Variants in MPRIP observed in about 807,000 individuals in gnomAD.
MPRIP encodes the protein myosin phosphatase Rho-interacting protein.
MPRIP carries 59 observed loss-of-function variants against 234.9 expected under a neutral mutation model. The observed-to-expected ratio is 0.25, with a 90% confidence interval of 0.20 to 0.31. MPRIP has a LOEUF of 0.31. Among genes scored for constraint, MPRIP ranks in the 10% least tolerant of loss-of-function variants. MPRIP has a pLI of 1.00. For synonymous variants in MPRIP, 1,144 were observed against 1,263.9 expected, an observed-to-expected ratio of 0.91 and a Z score of 2.01; for missense variants, 2,436 against 3,071.0, an observed-to-expected ratio of 0.79 and a Z score of 4.89.
At chr17:17,181,814 A>ACTCTGTGCAGTGAGTGGGTGGGGGCCT (rs2046379758) in intron 23 of MPRIP, 3 of 152,254 alleles carry the variant, frequency 2.0e-5, no homozygotes, top group Admixed American at 6.5e-5. Flanking sequence ...CCTGACAGTA[A>ACTCTGTGCAGTGAGTGGGTGGGGGCCT]CTCTGTGCAG....
rs2046141668 is a variant in MPRIP at position 17,171,800 on chromosome 17, A to C, written c.6407A>C (p.Glu2136Ala). The C allele has an allele frequency of 6.2e-7, 1 of 1,613,704 alleles. No individual in the cohort carries two copies. The highest frequency in any genetic ancestry group is 8.5e-7 in the Non-Finnish European group (1 of 1,180,030). Reference sequence around the variant, plus strand: ...GATCTCCAGAGGCAGCACCAGCGGGAGCTAGAGAAACTTCGAGAAGAGAAA... The same window carrying C: ...GATCTCCAGAGGCAGCACCAGCGGGCGCTAGAGAAACTTCGAGAAGAGAAA... ...IEDLQRQHQR[E>A]LEKLREEKDR... Residue 2136 changes from glutamate (E) to alanine (A), a missense_variant, in exon 17 of 24, where the codon GAG becomes GCG. Transcript: ENST00000651222.
chr17:17,082,959 T>A (rs1597774842), intron 3 of MPRIP, among the ~76,000 whole-genome samples: 1 of 152,172 alleles, frequency 6.6e-6, no homozygotes, highest in South Asian at 2.1e-4. Context: ...TTGTGGTAGG[T>A]CTGATGATCT....
chr17:17,125,980 C>T (rs2090483246), intron 3 of MPRIP, among the ~76,000 whole-genome samples: 1 of 152,112 alleles, frequency 6.6e-6, no homozygotes, highest in African/African-American at 2.4e-5. Flanking sequence ...AGAAAGAGGC[C>T]AGAGGGTACA....
Position 17,042,929 on chromosome 17 carries a change from G to C in MPRIP, c.81G>C (p.Lys27Asn). Reference protein sequence around the residue: ...FNKSKCQNCFKPRESHLLNDE... With the variant: ...FNKSKCQNCFNPRESHLLNDE... ...AGAGCAAGTGTCAGAACTGCTTCAA[G>C]CCCCGCGAGTCGCATCTGCTCAACG... The change falls in exon 1 of 24, where the codon AAG becomes AAC. Residue 27 changes from lysine (K) to asparagine (N), a missense_variant. Coordinates refer to ENST00000651222, the MANE Select transcript of MPRIP (RefSeq NM_001364716.4). 6.2e-7 allele frequency: 1 copy of C among 1,611,182 alleles called. No individual in the cohort carries two copies. The highest frequency in any genetic ancestry group is 8.5e-7 in the Non-Finnish European group (1 of 1,179,134).
intron 20 of MPRIP, 76 bp from the exon 21 acceptor site, chr17:17,176,350 C>T (rs773112496): frequency 1.6e-5 from 18 of 1,137,986 alleles, no homozygotes; most frequent in Admixed American, 1.4e-4. Flanking sequence ...GCCCTCTGCA[C>T]GCTTCAGCCT....
At position 17,089,529 on chromosome 17, in the gene MPRIP, G is replaced by A. The variant is rs1215192699; in HGVS notation, c.267+11453G>A. ...GTCACCTATCCTGGAGTGCAGTGGC[G>A]CAGTCATAGCTCACTGCAGCCTTGA... On this transcript the variant is annotated intron_variant, in intron 3 of 23. Coordinates refer to ENST00000651222, the MANE Select transcript of MPRIP (RefSeq NM_001364716.4). Among the ~76,000 whole-genome samples, 3 of 151,880 alleles carry A rather than the reference G, an allele frequency of 2.0e-5. No individual in the cohort carries two copies. In the East Asian group the frequency reaches 5.8e-4, roughly 29 times the overall value.
At chr17:17,048,219 G>T (rs1188475733) in intron 1 of MPRIP, among the ~76,000 whole-genome samples, 1 of 152,114 alleles carries the variant, frequency 6.6e-6, no homozygotes, top group Non-Finnish European at 1.5e-5. Flanking sequence ...GCTCGGTCTT[G>T]ATCTCTCCCA....
chr17:17,076,252 C>T (rs1478531330), intron 2 of MPRIP: 1 of 153,276 alleles, frequency 6.5e-6, no homozygotes, highest in African/African-American at 2.4e-5. Context: ...AGGGCAGGGC[C>T]CCGCTAGAGC....
chr17:17,166,570 C>G lies in MPRIP; in HGVS notation c.4979C>G (p.Pro1660Arg), dbSNP rs1380609555. 6.9e-6 allele frequency: 9 copies of G among 1,304,084 alleles called. No homozygotes were observed. Among genetic ancestry groups the G allele is most frequent in the Non-Finnish European group, 9.1e-6 (9 of 988,972 alleles). 80.8% of individuals were successfully genotyped at this position (1,304,084 alleles called of 1,614,324 possible). Reference protein sequence around the residue: ...GQQSIPQGLAPILANATWVRA... With the variant: ...GQQSIPQGLARILANATWVRA... ...CAAAGCATCCCACAGGGCCTGGCCC[C>G]CATCCTGGCCAATGCCACATGGGTC... is the stretch of plus-strand genomic sequence containing the variant. Residue 1660 changes from proline to arginine, a missense_variant, in exon 16 of 24, where the codon CCC (proline) becomes CGC (arginine). Transcript: ENST00000651222. The surrounding 1 kb of genome is among the most constrained non-coding windows in gnomAD (Gnocchi z 4.4).
chr17:17,156,353 GAATT>G (rs1399188253), intron 13 of MPRIP, among the ~76,000 whole-genome samples: 1 of 152,000 alleles, frequency 6.6e-6, no homozygotes, highest in African/African-American at 2.4e-5. Flanking sequence ...TCCTGACTAA[GAATT>G]ACTTCATAAC....
chr17:17,158,978 G>T lies in MPRIP; in HGVS notation c.2376G>T (p.Glu792Asp). The T allele has an allele frequency of 6.2e-7, 1 of 1,612,618 alleles. No individual in the cohort carries two copies. Among genetic ancestry groups the T allele is most frequent in the South Asian group, 1.1e-5 (1 of 91,070 alleles). The stretch of plus-strand genomic sequence containing the variant: ...GGGGTGACCGGCTCTCCACACACGA[G>T]CTGACCTCTCTGCTCGAGAAGGAGG... Reference protein sequence around the residue: ...EDGGDRLSTHELTSLLEKELE... With the variant: ...EDGGDRLSTHDLTSLLEKELE... The change falls in exon 14 of 24, where the codon GAG becomes GAT. Residue 792 changes from glutamate (E) to aspartate (D), a missense_variant. By Grantham distance (45) the Glu-to-Asp change is conservative. Coordinates refer to ENST00000651222, the MANE Select transcript of MPRIP (RefSeq NM_001364716.4).
chr17:17,158,361 T>C, intron 13 of MPRIP, 71 bp from the exon 14 acceptor site: 1 of 1,356,090 alleles, frequency 7.4e-7, no homozygotes, highest in African/African-American at 1.5e-5. Flanking sequence ...GGCTCAGCAT[T>C]GCCAGCTTCT....
Position 17,166,732 on chromosome 17 carries a change from C to A in MPRIP, c.5141C>A (p.Ala1714Asp), listed in dbSNP as rs1567768948. 7.7e-7 allele frequency: 1 copy of A among 1,304,166 alleles called. No homozygotes were observed. The highest frequency in any genetic ancestry group is 1.2e-5 in the South Asian group (1 of 81,032). 80.8% of individuals were successfully genotyped at this position (1,304,166 alleles called of 1,614,324 possible). ...HKCLLREILGAYQTPDFERVM... is the reference protein window; with the variant it reads ...HKCLLREILGDYQTPDFERVM... ...TGCCTGCTGAGGGAAATCCTGGGAG[C>A]CTACCAAACCCCAGACTTTGAAAGA... Residue 1714 changes from alanine (A) to aspartate (D), a missense_variant, in exon 16 of 24, where the codon GCC becomes GAC. By Grantham distance (126) the Ala-to-Asp change is moderately radical. Transcript: ENST00000651222. The surrounding 1 kb of genome is among the most constrained non-coding windows in gnomAD (Gnocchi z 4.4).
chr17:17,131,656 G>A lies in MPRIP; in HGVS notation c.459G>A (p.Lys153=). Residue 153 remains lysine, a synonymous_variant, in exon 5 of 24, where the codon AAG becomes AAA. Transcript: ENST00000651222. ...TCATGGTCTATCCCCGGACCAACAA[G>A]CAGAATCAGAAGAAGAAACGGAAAG... ...EMLMVYPRTN[K]QNQKKKRKVE... The A allele has an allele frequency of 6.2e-7, 1 of 1,614,192 alleles. No individual in the cohort carries two copies. Among genetic ancestry groups the A allele is most frequent in the Non-Finnish European group, 8.5e-7 (1 of 1,180,012 alleles).
chr17:17,164,383 A>G lies in MPRIP; in HGVS notation c.2792A>G (p.Gln931Arg), dbSNP rs1395122632. The part of the protein sequence containing the change: ...AKLKGDLKRE[Q>R]GRVREQLEER... ...CTCAAGGGCGACCTGAAGCGGGAGCAGGGCCGGGTCCGCGAGCAGCTGGAG... is the reference window on the plus strand; with the variant it reads ...CTCAAGGGCGACCTGAAGCGGGAGCGGGGCCGGGTCCGCGAGCAGCTGGAG... Residue 931 changes from glutamine (Q) to arginine (R), a missense_variant, in exon 16 of 24, where the codon CAG (glutamine) becomes CGG (arginine). Coordinates refer to ENST00000651222, the MANE Select transcript of MPRIP (RefSeq NM_001364716.4). 2 of 1,293,434 alleles carry G rather than the reference A, an allele frequency of 1.5e-6. No individual in the cohort carries two copies. Among genetic ancestry groups the G allele is most frequent in the Non-Finnish European group, 2.0e-6 (2 of 986,566 alleles). The allele number at this position is 1,293,434 out of a possible 1,614,324, so 80.1% of individuals were successfully genotyped here.
intron 3 of MPRIP, among the ~76,000 whole-genome samples, chr17:17,082,221 T>C (rs1041083173): frequency 6.6e-6 from 1 of 150,970 alleles, no homozygotes; most frequent in Non-Finnish European, 1.5e-5. Context: ...GGCCAGGCCA[T>C]GAGGCTTTGG....
intron 3 of MPRIP, among the ~76,000 whole-genome samples, chr17:17,091,156 C>T (rs1422839479): frequency 1.3e-5 from 2 of 152,004 alleles, no homozygotes; most frequent in African/African-American, 4.8e-5. Context: ...CTGGCCCTGA[C>T]TTCCAGTGGG....
chr17:17,090,552 G>A (rs1212570885), intron 3 of MPRIP, among the ~76,000 whole-genome samples: 1 of 152,164 alleles, frequency 6.6e-6, no homozygotes, highest in Non-Finnish European at 1.5e-5. Context: ...TTGGCCGTCT[G>A]TCTGCAGGGT....
At chr17:17,062,880 C>T (rs1023641024) in intron 1 of MPRIP, among the ~76,000 whole-genome samples, 3 of 152,244 alleles carry the variant, frequency 2.0e-5, no homozygotes, top group African/African-American at 7.2e-5. Context: ...AGTGTGGAAG[C>T]ATCGTGGCTC....
Sources: allele counts gnomAD v4.1 joint callset (sites outside exome capture counted in the v4.1 genomes callset), GRCh38; gene constraint gnomAD v4.1.1; non-coding constraint Gnocchi (gnomAD v3.1); transcripts MANE v1.5; gene names NCBI Gene and HGNC (gene_info 2026-07-23, HGNC 2026-07-21).